The following RIPK2 variants were observed in gnomAD, a reference collection of about 807,000 sequenced individuals.
RIPK2 encodes the protein receptor-interacting serine/threonine-protein kinase 2.
RIPK2 carries 38 observed loss-of-function variants against 60.9 expected under a neutral mutation model. That is an observed-to-expected ratio of 0.62 (90% CI 0.48 to 0.82). RIPK2 has a LOEUF of 0.82. Ranked by LOEUF, RIPK2 falls within the 40% of genes least tolerant of loss-of-function variation. The pLI, the probability that RIPK2 is intolerant of heterozygous loss-of-function variation, is 0.00. For synonymous variants in RIPK2, 225 were observed against 223.4 expected, an observed-to-expected ratio of 1.01 and a Z score of -0.06; for missense variants, 518 against 647.0, an observed-to-expected ratio of 0.80 and a Z score of 2.16.
intron 2 of RIPK2, among the ~76,000 whole-genome samples, chr8:89,764,284 A>G (rs944685045): frequency 1.3e-5 from 2 of 152,092 alleles, no homozygotes; most frequent in Non-Finnish European, 2.9e-5. Flanking sequence ...CCTGTATTGC[A>G]TTATTTAGGG....
intron 6 of RIPK2, among the ~76,000 whole-genome samples, chr8:89,778,628 G>C (rs746855332): frequency 6.6e-6 from 1 of 152,168 alleles, no homozygotes; most frequent in Non-Finnish European, 1.5e-5. Flanking sequence ...GTTCATCCAG[G>C]TTTCGGCATG....
chr8:89,775,842 A>G (rs1470070974), intron 6 of RIPK2, among the ~76,000 whole-genome samples: 1 of 152,174 alleles, frequency 6.6e-6, no homozygotes, highest in African/African-American at 2.4e-5. Flanking sequence ...TAAGAGGCTG[A>G]AAAAGGGAAG....
At chr8:89,774,449 A>G (rs187219034) in intron 6 of RIPK2, among the ~76,000 whole-genome samples, 46 of 152,348 alleles carry the variant, frequency 3.0e-4, no homozygotes, top group Admixed American at 5.9e-4. Flanking sequence ...TGGTGGGAAT[A>G]TAAAATGATG....
intron 1 of RIPK2, 125 bp downstream of exon 1, chr8:89,758,358 C>CT: frequency 1.0e-6 from 1 of 972,948 alleles, no homozygotes; most frequent in African/African-American, 1.7e-5. Flanking sequence ...CTCGTCACCT[C>CT]TAGGGAGCCC....
chr8:89,765,838 A>G (rs1201678013), intron 3 of RIPK2, among the ~76,000 whole-genome samples: 1 of 151,708 alleles, frequency 6.6e-6, no homozygotes, highest in Non-Finnish European at 1.5e-5. Context: ...TGTATCCTTC[A>G]CCTGGTTTCC....
At chr8:89,766,315 A>G (rs1809228860) in intron 3 of RIPK2, among the ~76,000 whole-genome samples, 1 of 151,858 alleles carries the variant, frequency 6.6e-6, no homozygotes, top group Non-Finnish European at 1.5e-5. Context: ...TTATGAGTGA[A>G]CATAAGTCTT....
At chr8:89,784,595 A>C (rs1809555260) in intron 8 of RIPK2, among the ~76,000 whole-genome samples, 1 of 152,198 alleles carries the variant, frequency 6.6e-6, no homozygotes, top group Non-Finnish European at 1.5e-5. Context: ...AAGAATGTAT[A>C]TGTATGTTCA....
In RIPK2 at chr8:89,784,156, AAAAAAAAAG is replaced by A; in HGVS notation, c.1029+18_1029+26del. ...CCACAAGAGGTAAAAAAAAAAAAAAAAAAAAAAAGGTTATATTAAACTCAAAATGTGAGA... is the reference window on the plus strand; with the variant it reads ...CCACAAGAGGTAAAAAAAAAAAAAAAGTTATATTAAACTCAAAATGTGAGA... On this transcript the variant is annotated intron_variant, in intron 8 of 10. Coordinates refer to ENST00000220751, the MANE Select transcript of RIPK2 (RefSeq NM_003821.6). 1 of 1,441,956 alleles carries A rather than the reference AAAAAAAAAG, an allele frequency of 6.9e-7. No homozygotes were observed. Among genetic ancestry groups the A allele is most frequent in the Admixed American group, 2.2e-5 (1 of 45,630 alleles). 89.3% of individuals were successfully genotyped at this position (1,441,956 alleles called of 1,614,324 possible). A position where few individuals can be genotyped will look rare whatever the true frequency, so the allele number is the denominator to read the frequency against.
chr8:89,780,431 A>G, intron 7 of RIPK2: 1 of 186,596 alleles, frequency 5.4e-6, no homozygotes, highest in South Asian at 1.3e-4. Flanking sequence ...CAGCACTTTG[A>G]AGGCCAAGGC....
At position 89,762,922 on chromosome 8, in the gene RIPK2, A is replaced by G. The variant is rs752986269; in HGVS notation, c.267A>G (p.Glu89=). The change falls in exon 2 of 11, where the codon GAA becomes GAG. Residue 89 remains glutamate, a synonymous_variant. Transcript: ENST00000220751. ...TTTTGGGAATTTGCAATGAGCCTGA[A>G]TTTTTGGGAATAGTTACTGAATACA... ...LPILGICNEP[E]FLGIVTEYMP... The G allele has an allele frequency of 1.3e-6, 2 of 1,533,392 alleles. No homozygotes were observed. The highest frequency in any genetic ancestry group is 1.8e-6 in the Non-Finnish European group (2 of 1,133,068). The allele number at this position is 1,533,392 out of a possible 1,614,324, so 95.0% of individuals were successfully genotyped here. A position where few individuals can be genotyped will look rare whatever the true frequency, so the allele number is the denominator to read the frequency against.
At chr8:89,781,294 A>C (rs895974421) in intron 7 of RIPK2, among the ~76,000 whole-genome samples, 2 of 151,456 alleles carry the variant, frequency 1.3e-5, no homozygotes, top group Non-Finnish European at 2.9e-5. Context: ...TGGCTCCACC[A>C]CTTCTGAGTA....
chr8:89,758,333 T>A (rs979916617), intron 1 of RIPK2, 100 bp downstream of exon 1: 4 of 1,283,742 alleles, frequency 3.1e-6, no homozygotes, highest in Non-Finnish European at 4.2e-6. Context: ...AGTGACCGCT[T>A]GGGGCCGGCC....
intron 9 of RIPK2, 130 bp from the exon 10 acceptor site, chr8:89,789,191 A>T (rs1809634000): frequency 1.4e-6 from 1 of 717,886 alleles, no homozygotes; most frequent in Non-Finnish European, 2.3e-6. Flanking sequence ...TAGGTTTCTG[A>T]ACCAGCCTTA....
chr8:89,778,812 C>G (rs1027202089), intron 6 of RIPK2, among the ~76,000 whole-genome samples: 2 of 152,098 alleles, frequency 1.3e-5, no homozygotes, highest in African/African-American at 4.8e-5. Context: ...TTTCATTTCT[C>G]TTGGTTAATT....
At chr8:89,758,295 G>A in intron 1 of RIPK2, 62 bp downstream of exon 1, 1 of 1,472,836 alleles carries the variant, frequency 6.8e-7, no homozygotes. Flanking sequence ...CAAGCCCCCT[G>A]ACAAGCGGGC....
intron 2 of RIPK2, among the ~76,000 whole-genome samples, chr8:89,765,056 T>A (rs2130547901): frequency 1.3e-5 from 2 of 152,072 alleles, no homozygotes; most frequent in Middle Eastern, 3.4e-3. Context: ...GTAATTGAGA[T>A]TTGTGTCAGC....
chr8:89,765,344 A>T lies in RIPK2; in HGVS notation c.331A>T (p.Thr111Ser), dbSNP rs200012651. The change falls in exon 3 of 11, where the codon ACT (threonine) becomes TCT (serine). Residue 111 changes from threonine to serine, a missense_variant. By Grantham distance (58) the Thr-to-Ser change is moderately conservative. Around this residue, in one of 3 missense-constraint regions of RIPK2, gnomAD observed 448 missense variants for 534.7 expected, o/e 0.84. Coordinates refer to ENST00000220751, the MANE Select transcript of RIPK2 (RefSeq NM_003821.6). The stretch of plus-strand genomic sequence containing the variant: ...TTCTTTTCACATATATATGAAGAAA[A>T]CTGAATATCCTGATGTTGCTTGGCC... ...GSLNELLHRK[T>S]EYPDVAWPLR... is the part of the protein sequence containing the mutation. The T allele has an allele frequency of 6.2e-7, 1 of 1,601,722 alleles. No homozygotes were observed. The highest frequency in any genetic ancestry group is 8.5e-7 in the Non-Finnish European group (1 of 1,173,790).
At chr8:89,780,429 T>TG in intron 7 of RIPK2, 1 of 192,404 alleles carries the variant, frequency 5.2e-6, no homozygotes, top group South Asian at 1.2e-4. Context: ...CCCAGCACTT[T>TG]GAAGGCCAAG....
At chr8:89,770,439 ATTAC>A (rs1288100574) in intron 4 of RIPK2, among the ~76,000 whole-genome samples, 2 of 151,922 alleles carry the variant, frequency 1.3e-5, no homozygotes, top group Admixed American at 1.3e-4. Context: ...TCAGATGCAT[ATTAC>A]TTATAATCTC....
Sources: allele counts gnomAD v4.1 joint callset (sites outside exome capture counted in the v4.1 genomes callset), GRCh38; gene constraint gnomAD v4.1.1; regional missense constraint gnomAD v4.1.1; transcripts MANE v1.5; gene names NCBI Gene and HGNC (gene_info 2026-07-23, HGNC 2026-07-21).